The following CDH4 variants were observed in gnomAD, a reference collection of about 807,000 sequenced individuals.
CDH4 encodes the protein cadherin-4.
In CDH4, 33 loss-of-function variants were observed where a neutral mutation model predicts 86.0. The ratio of observed to expected loss-of-function variants is 0.38; its 90% CI spans 0.29 to 0.51. The LOEUF is 0.51. Among genes scored for constraint, CDH4 ranks in the 20% least tolerant of loss-of-function variants. The probability of loss-of-function intolerance (pLI) is 0.86; values close to 1 mark genes in which losing one functional copy is unlikely to be tolerated. For missense variants in CDH4, 1,114 were observed against 1,307.4 expected, an observed-to-expected ratio of 0.85 and a Z score of 2.28; for synonymous variants, 555 against 549.4, an observed-to-expected ratio of 1.01 and a Z score of -0.14.
In CDH4 at chr20:61,548,232, G is replaced by GAGC. The variant is rs577440436; in HGVS notation, c.170-195328_170-195326dup. Among the ~76,000 whole-genome samples, 33 of 152,272 alleles carry GAGC rather than the reference G, an allele frequency of 2.2e-4. No homozygotes were observed. In the South Asian group the frequency reaches 6.2e-3, roughly 29 times the overall value. ...AATACCCAAAAACCTGTACAGTTCC[G>GAGC]AGCAGACGGGTGGTTTCACTCTAAG... On this transcript the variant is annotated intron_variant, in intron 2 of 15. Coordinates refer to ENST00000614565, the MANE Select transcript of CDH4 (RefSeq NM_001794.5).
At chr20:61,922,970 C>T (rs545265870) in intron 9 of CDH4, among the ~76,000 whole-genome samples, 7 of 152,336 alleles carry the variant, frequency 4.6e-5, no homozygotes, top group South Asian at 2.1e-4. Context: ...TGTACAAAGA[C>T]GCTATTTCCA....
At chr20:61,537,670 G>A (rs2000282) in intron 2 of CDH4, among the ~76,000 whole-genome samples, 3,932 of 152,302 alleles carry the variant, frequency 0.026, 170 homozygotes, top group African/African-American at 0.09. Context: ...CTCACGAGGC[G>A]TTGTGAGGGG....
chr20:61,285,071 T>A (rs888795743), intron 2 of CDH4, among the ~76,000 whole-genome samples: 17 of 140,254 alleles, frequency 1.2e-4, no homozygotes, highest in African/African-American at 4.6e-4. Context: ...CAGCCTTTCC[T>A]GTTTTTTTTT....
intron 4 of CDH4, among the ~76,000 whole-genome samples, chr20:61,788,708 CT>C (rs1295838939): frequency 3.3e-5 from 5 of 152,214 alleles, no homozygotes; most frequent in Admixed American, 6.5e-5. Flanking sequence ...ATTCTGAAGA[CT>C]CCTTTCTCAG....
intron 2 of CDH4, chr20:61,719,438 C>T (rs1381017928): frequency 8.5e-6 from 2 of 235,684 alleles, no homozygotes; most frequent in Non-Finnish European, 1.8e-5. Context: ...AAAATGCTTG[C>T]GTGAAATAAC....
rs1370546402 is a variant in CDH4 at position 61,291,771 on chromosome 20, G to T, written c.169+36834G>T. On this transcript the variant is annotated intron_variant, in intron 2 of 15. Transcript: ENST00000614565. The stretch of plus-strand genomic sequence containing the variant: ...TTTCCACTTTTCCTTTAGGTTCGGG[G>T]GTACATGTGAAGGTTTGTCACACAG... Among the ~76,000 whole-genome samples the T allele has an allele frequency of 4.6e-5, 7 of 152,096 alleles. No individual in the cohort carries two copies. The South Asian group carries it at 1.5e-3, about 32-fold the overall frequency.
intron 2 of CDH4, among the ~76,000 whole-genome samples, chr20:61,705,296 C>T (rs75483735): frequency 0.012 from 1,762 of 152,316 alleles, 29 homozygotes; most frequent in African/African-American, 0.037. Flanking sequence ...CTGCCTGTCC[C>T]GGCCAGGCCC....
intron 2 of CDH4, among the ~76,000 whole-genome samples, chr20:61,337,026 G>A (rs2084620857): frequency 6.6e-6 from 1 of 152,072 alleles, no homozygotes; most frequent in Admixed American, 6.5e-5. Context: ...TCACTGTGAG[G>A]TTCACAGCAA....
At chr20:61,381,618 G>A (rs1214382307) in intron 2 of CDH4, among the ~76,000 whole-genome samples, 3 of 152,102 alleles carry the variant, frequency 2.0e-5, no homozygotes, top group Non-Finnish European at 4.4e-5. Context: ...TAAAGCCATA[G>A]GGCAGTCCGC....
rs2145577863 is a variant in CDH4, at chr20:61,480,162, GC to G, written c.169+225226del. 6.7e-6 allele frequency among the ~76,000 whole-genome samples: 1 copy of G among 150,132 alleles called. No homozygotes were observed. Among genetic ancestry groups the G allele is most frequent in the African/African-American group, 2.5e-5 (1 of 39,496 alleles). On this transcript the variant is annotated intron_variant, in intron 2 of 15. Transcript: ENST00000614565. This position sits in a 1 kb window ranked among gnomAD's most constrained non-coding sequence, Gnocchi z 5.2. The stretch of plus-strand genomic sequence containing the variant: ...GTCATCCTGATATATTTTATTGATT[GC>G]TTTTTATTCTCATGGGCCCTATTTT...
intron 2 of CDH4, among the ~76,000 whole-genome samples, chr20:61,474,247 A>G (rs1165868918): frequency 8.5e-6 from 1 of 117,466 alleles, no homozygotes; most frequent in Admixed American, 1.2e-4. Flanking sequence ...TGCAACCCCC[A>G]CCTCCCTGGT....
intron 6 of CDH4, among the ~76,000 whole-genome samples, chr20:61,864,709 G>A (rs911100757): frequency 1.3e-5 from 2 of 152,200 alleles, no homozygotes; most frequent in Admixed American, 1.3e-4. Flanking sequence ...CCGAGGGGGA[G>A]GTGGCCCCAG....
intron 2 of CDH4, among the ~76,000 whole-genome samples, chr20:61,564,450 T>C (rs1389146386): frequency 4.6e-5 from 7 of 152,078 alleles, no homozygotes. Flanking sequence ...CGGTGCTGAG[T>C]GAGTTCTCGC....
At chr20:61,648,150 C>T (rs2087085024) in intron 2 of CDH4, among the ~76,000 whole-genome samples, 1 of 152,174 alleles carries the variant, frequency 6.6e-6, no homozygotes, top group Non-Finnish European at 1.5e-5. Context: ...ACCACACCAT[C>T]GATTGAGTAT....
chr20:61,870,389 G>A (rs1224702564), intron 6 of CDH4, among the ~76,000 whole-genome samples: 3 of 152,332 alleles, frequency 2.0e-5, no homozygotes, highest in South Asian at 4.1e-4. Flanking sequence ...GAAGGGCTCC[G>A]CATCCCCATC....
intron 2 of CDH4, among the ~76,000 whole-genome samples, chr20:61,329,866 GC>G (rs1253284997): frequency 1.0e-4 from 9 of 86,832 alleles, no homozygotes. Flanking sequence ...CCCCCGACAG[GC>G]CCCAGTGTAT....
chr20:61,762,137 TC>T (rs2088641631), intron 3 of CDH4, among the ~76,000 whole-genome samples: 1 of 152,154 alleles, frequency 6.6e-6, no homozygotes, highest in African/African-American at 2.4e-5. Flanking sequence ...GTGGTGGACT[TC>T]CCCAAGTCAG....
intron 2 of CDH4, among the ~76,000 whole-genome samples, chr20:61,451,312 C>T (rs1020431611): frequency 4.6e-5 from 7 of 152,176 alleles, no homozygotes; most frequent in Non-Finnish European, 8.8e-5. Context: ...GCATGTGCGT[C>T]TCAGCTGCGT....
At chr20:61,637,704 T>C (rs1047873079) in intron 2 of CDH4, among the ~76,000 whole-genome samples, 1 of 152,210 alleles carries the variant, frequency 6.6e-6, no homozygotes, top group African/African-American at 2.4e-5. Flanking sequence ...GCATAAAGCA[T>C]CTGTGACATG....
Sources: allele counts gnomAD v4.1 joint callset (sites outside exome capture counted in the v4.1 genomes callset), GRCh38; gene constraint gnomAD v4.1.1; non-coding constraint Gnocchi (gnomAD v3.1); transcripts MANE v1.5; gene names NCBI Gene and HGNC (gene_info 2026-07-23, HGNC 2026-07-21).